Variants in LRRC37A3 observed in about 807,000 individuals in gnomAD.
LRRC37A3 encodes the protein leucine-rich repeat-containing protein 37A3.
In LRRC37A3, 25 loss-of-function variants were observed where a neutral mutation model predicts 106.2. That is an observed-to-expected ratio of 0.24 (90% CI 0.17 to 0.33). The LOEUF is 0.33. Among genes scored for constraint, LRRC37A3 ranks in the 10% least tolerant of loss-of-function variants. LRRC37A3 has a pLI of 1.00. For synonymous variants in LRRC37A3, 305 were observed against 635.8 expected (o/e 0.48, Z 7.83); for missense variants, 712 against 1,644.9 (o/e 0.43, Z 9.81).
In LRRC37A3 at chr17:64,854,392, T is replaced by C. The variant is rs369482547; in HGVS notation, c.*207A>G. 1.3e-5 allele frequency: 10 copies of C among 742,030 alleles called. No individual in the cohort carries two copies. The highest frequency in any genetic ancestry group is 6.6e-6 in the Non-Finnish European group (3 of 451,236). The allele number at this position is 742,030 out of a possible 1,614,324, so 46.0% of individuals were successfully genotyped here. On this transcript the variant is annotated 3_prime_UTR_variant, in exon 15 of 15. Coordinates refer to ENST00000584306, the MANE Select transcript of LRRC37A3 (RefSeq NM_199340.5). ...GGCACCAAAAACAATGTTATTTAAT[T>C]GTAAAATCTCCACCCCCTGAGCATA...
intron 8 of LRRC37A3, among the ~76,000 whole-genome samples, chr17:64,875,133 T>G (rs1422917454): frequency 2.0e-5 from 3 of 151,976 alleles, no homozygotes; most frequent in African/African-American, 7.3e-5. Flanking sequence ...CAAAAAAAAC[T>G]GGGCATGGTG....
intron 2 of LRRC37A3, among the ~76,000 whole-genome samples, chr17:64,912,575 AAAAG>A (rs1974613749): frequency 6.6e-6 from 1 of 152,188 alleles, no homozygotes; most frequent in Non-Finnish European, 1.5e-5. Flanking sequence ...ATAGGCAGAA[AAAAG>A]AAACAGAAGA....
At chr17:64,868,175 T>C (rs534172621) in intron 10 of LRRC37A3, among the ~76,000 whole-genome samples, 54 of 152,154 alleles carry the variant, frequency 3.5e-4, no homozygotes, top group Non-Finnish European at 6.6e-4. Flanking sequence ...GGCAAAAGTA[T>C]AGGAACAGAA....
intron 13 of LRRC37A3, 96 bp downstream of exon 13, chr17:64,858,683 A>C: frequency 1.1e-6 from 1 of 876,126 alleles, no homozygotes; most frequent in Non-Finnish European, 1.9e-6. Context: ...AAGTAGCAGC[A>C]GGTGGGAAAG....
At chr17:64,870,873 C>A (rs532823279) in intron 8 of LRRC37A3, among the ~76,000 whole-genome samples, 1 of 151,470 alleles carries the variant, frequency 6.6e-6, no homozygotes, top group South Asian at 2.1e-4. Flanking sequence ...CCTTCACTCC[C>A]CTCCCCTCCC....
intron 8 of LRRC37A3, among the ~76,000 whole-genome samples, chr17:64,884,359 T>A (rs917042218): frequency 6.6e-6 from 1 of 151,524 alleles, no homozygotes; most frequent in Non-Finnish European, 1.5e-5. Flanking sequence ...TTATTATTAT[T>A]ATTATTATAT....
At chr17:64,890,702 G>A (rs1054806034) in intron 5 of LRRC37A3, among the ~76,000 whole-genome samples, 1 of 145,716 alleles carries the variant, frequency 6.9e-6, no homozygotes, top group African/African-American at 2.8e-5. Context: ...TGTGATGGAG[G>A]GCACCTGTAA....
At chr17:64,863,503 A>C (rs1972948120) in intron 10 of LRRC37A3, 1 of 160,278 alleles carries the variant, frequency 6.2e-6, no homozygotes, top group Non-Finnish European at 1.4e-5. Flanking sequence ...AATCTGGACA[A>C]TTTGAGCATT....
rs150495921 is a variant in LRRC37A3 at position 64,860,939 on chromosome 17, C to T, written c.3207G>A (p.Ala1069=). The T allele has an allele frequency of 1.6e-3, 2,614 of 1,613,958 alleles. 20 individuals carry two copies. The African/African-American group carries it at 0.029, about 18-fold the overall frequency. Residue 1069 remains alanine (A), a synonymous_variant, in exon 12 of 15, where the codon GCG becomes GCA. Coordinates refer to ENST00000584306, the MANE Select transcript of LRRC37A3 (RefSeq NM_199340.5). ...EEASVGNPEG[A]FMKVLQARKN... The stretch of plus-strand genomic sequence containing the variant: ...TCCGGGCTTGTAACACCTTCATGAA[C>T]GCTCCTTCTGGATTCCCTACAGATG...
chr17:64,883,445 T>G (rs891933746), intron 8 of LRRC37A3, among the ~76,000 whole-genome samples: 98 of 151,000 alleles, frequency 6.5e-4, no homozygotes, highest in African/African-American at 2.3e-3. Flanking sequence ...CTGAGCCTTA[T>G]CTAGTAAAAA....
chr17:64,865,142 G>A (rs1195450962), intron 10 of LRRC37A3, among the ~76,000 whole-genome samples: 1 of 152,122 alleles, frequency 6.6e-6, no homozygotes, highest in Non-Finnish European at 1.5e-5. Context: ...CTGCCACAAA[G>A]GTGTTTCTTT....
chr17:64,894,003 G>A (rs1488688259), intron 4 of LRRC37A3, among the ~76,000 whole-genome samples: 2 of 145,984 alleles, frequency 1.4e-5, no homozygotes, highest in Non-Finnish European at 2.9e-5. Context: ...ACTTGGCCCT[G>A]GGTTTGACAT....
rs1291678675 is a variant in LRRC37A3, at chr17:64,866,776, G to A, written c.3053+1686C>T. 1.9e-4 allele frequency among the ~76,000 whole-genome samples: 27 copies of A among 139,442 alleles called. 1 individual carries two copies. The highest frequency in any genetic ancestry group is 6.1e-4 in the African/African-American group (23 of 37,470). 91.5% of individuals were successfully genotyped at this position (139,442 alleles called of 152,430 possible). Reference sequence around the variant, plus strand: ...TTCCCTAGTAGCTGGGACTACAGGCGTGTGCCACCACACCTGGCTGATTTT... The same window carrying A: ...TTCCCTAGTAGCTGGGACTACAGGCATGTGCCACCACACCTGGCTGATTTT... On this transcript the variant is annotated intron_variant, in intron 10 of 14. Coordinates refer to ENST00000584306, the MANE Select transcript of LRRC37A3 (RefSeq NM_199340.5).
intron 10 of LRRC37A3, chr17:64,863,286 C>G: frequency 4.3e-6 from 2 of 466,618 alleles, no homozygotes; most frequent in Non-Finnish European, 7.7e-6. Flanking sequence ...AGAAGTATCT[C>G]TTCCCAACTC....
At chr17:64,861,438 G>A (rs938537738) in intron 11 of LRRC37A3, among the ~76,000 whole-genome samples, 8 of 152,170 alleles carry the variant, frequency 5.3e-5, no homozygotes, top group African/African-American at 1.2e-4. Flanking sequence ...AATGAAAGGC[G>A]GTCCTCTGAG....
intron 13 of LRRC37A3, among the ~76,000 whole-genome samples, chr17:64,857,572 C>T (rs1488486454): frequency 2.4e-3 from 355 of 146,006 alleles, no homozygotes; most frequent in African/African-American, 9.7e-3. Context: ...CTCACTGCAT[C>T]CTCGACCTCC....
chr17:64,859,558 C>T lies in LRRC37A3; in HGVS notation c.4588G>A (p.Gly1530Arg), dbSNP rs1972798248. 7 of 1,612,196 alleles carry T rather than the reference C, an allele frequency of 4.3e-6. No homozygotes were observed. The highest frequency in any genetic ancestry group is 1.3e-5 in the African/African-American group (1 of 74,196). ...RTGHLMKLLS[G>R]QQEVKASKIE... ...TTGGATGCCTTTACTTCCTGCTGCC[C>T]ACTGAGAAGCTTCATCAGGTGGCCT... Residue 1530 changes from glycine to arginine, a missense_variant, in exon 12 of 15, where the codon GGG (glycine) becomes AGG (arginine). Coordinates refer to ENST00000584306, the MANE Select transcript of LRRC37A3 (RefSeq NM_199340.5).
chr17:64,881,227 T>TTTTTCTTTTC lies in LRRC37A3; in HGVS notation c.2906+4849_2906+4858dup, dbSNP rs201419991. On this transcript the variant is annotated intron_variant, in intron 8 of 14. Coordinates refer to ENST00000584306, the MANE Select transcript of LRRC37A3 (RefSeq NM_199340.5). ...TCTAGAGAATCTGAAACAGTGAGCCTTTTTCTTTTCTTTTCTTTTCTTTTC... is the reference window on the plus strand; with the variant it reads ...TCTAGAGAATCTGAAACAGTGAGCCTTTTTCTTTTCTTTTCTTTTCTTTTCTTTTCTTTTC... 917 of 698,744 alleles carry TTTTTCTTTTC rather than the reference T, an allele frequency of 1.3e-3. 3 individuals carry two copies. In the African/African-American group the frequency reaches 0.014, roughly 11 times the overall value. The allele number at this position is 698,744 out of a possible 1,614,324, so 43.3% of individuals were successfully genotyped here. A position where few individuals can be genotyped will look rare whatever the true frequency, so the allele number is the denominator to read the frequency against.
intron 10 of LRRC37A3, among the ~76,000 whole-genome samples, chr17:64,864,574 T>A (rs1358288565): frequency 6.6e-6 from 1 of 152,006 alleles, no homozygotes; most frequent in Non-Finnish European, 1.5e-5. Flanking sequence ...ACAATCCCTG[T>A]AACTGAAGTA....
Sources: allele counts gnomAD v4.1 joint callset (sites outside exome capture counted in the v4.1 genomes callset), GRCh38; gene constraint gnomAD v4.1.1; transcripts MANE v1.5; gene names NCBI Gene and HGNC (gene_info 2026-07-23, HGNC 2026-07-21).